Variants in MNAT1 observed in about 807,000 individuals in gnomAD.
The protein encoded by MNAT1 is MNAT1 component of CDK activating kinase.
MNAT1 carries 43 observed loss-of-function variants against 42.0 expected under a neutral mutation model. The observed-to-expected ratio is 1.02, with a 90% CI of 0.80 to 1.32. The LOEUF is 1.32. Ranked by LOEUF, MNAT1 falls within the 40% of genes most tolerant of loss-of-function variation. The pLI, the probability that MNAT1 is intolerant of heterozygous loss-of-function variation, is 0.00. For missense variants in MNAT1, 306 were observed against 350.4 expected, an observed-to-expected ratio of 0.87 and a Z score of 1.01; for synonymous variants, 118 against 120.0, an observed-to-expected ratio of 0.98 and a Z score of 0.11.
intron 7 of MNAT1, among the ~76,000 whole-genome samples, chr14:60,941,355 A>G: frequency 6.6e-6 from 1 of 152,216 alleles, no homozygotes; most frequent in South Asian, 2.1e-4. Flanking sequence ...ACTTATAGCT[A>G]GAATGGTGAA....
At chr14:60,906,577 A>AG (rs907837987) in intron 7 of MNAT1, among the ~76,000 whole-genome samples, 20 of 152,166 alleles carry the variant, frequency 1.3e-4, no homozygotes, top group African/African-American at 4.6e-4. Flanking sequence ...GGATTGGTTA[A>AG]GGGGGGTATG....
intron 6 of MNAT1, among the ~76,000 whole-genome samples, chr14:60,870,220 T>A (rs982511339): frequency 2.6e-5 from 4 of 152,134 alleles, no homozygotes; most frequent in African/African-American, 9.7e-5. Context: ...GATGGAAATA[T>A]AGGGCTCTAA....
chr14:60,742,755 G>T (rs1896511052), intron 1 of MNAT1, among the ~76,000 whole-genome samples: 1 of 152,106 alleles, frequency 6.6e-6, no homozygotes, highest in African/African-American at 2.4e-5. Context: ...TACAGTATGT[G>T]GTTCTCTGGA....
At chr14:60,744,632 T>A (rs1340632912) in intron 1 of MNAT1, among the ~76,000 whole-genome samples, 1 of 152,236 alleles carries the variant, frequency 6.6e-6, no homozygotes, top group Non-Finnish European at 1.5e-5. Context: ...TGAACTTGTG[T>A]AGGCTTGGTT....
chr14:60,914,938 C>G (rs986387067), intron 7 of MNAT1, among the ~76,000 whole-genome samples: 4 of 152,092 alleles, frequency 2.6e-5, no homozygotes, highest in African/African-American at 7.2e-5. Flanking sequence ...GGAAAATTAC[C>G]AATAAGATGG....
chr14:60,902,410 C>A (rs932634838), intron 7 of MNAT1, among the ~76,000 whole-genome samples: 3 of 152,038 alleles, frequency 2.0e-5, no homozygotes, highest in Non-Finnish European at 4.4e-5. Flanking sequence ...CTACTACAAG[C>A]GAGATAGGTT....
At chr14:60,889,339 A>C (rs2034773182) in intron 7 of MNAT1, among the ~76,000 whole-genome samples, 1 of 152,180 alleles carries the variant, frequency 6.6e-6, no homozygotes, top group South Asian at 2.1e-4. Flanking sequence ...TGAGAAAAAC[A>C]AGCAATGGGG....
intron 1 of MNAT1, 90 bp from the exon 2 acceptor site, chr14:60,796,127 A>G: frequency 8.9e-7 from 1 of 1,127,718 alleles, no homozygotes; most frequent in Middle Eastern, 3.0e-4. Context: ...TTCAAGTCTC[A>G]CTCTCCTTAT....
At chr14:60,937,713 G>A (rs1480192003) in intron 7 of MNAT1, among the ~76,000 whole-genome samples, 3 of 152,038 alleles carry the variant, frequency 2.0e-5, no homozygotes, top group South Asian at 2.1e-4. Context: ...GGCGATGCGG[G>A]CTCTTTTTTG....
chr14:60,869,367 G>A lies in MNAT1; in HGVS notation c.688-10347G>A, dbSNP rs549332420. ...ATATTGTTATATTTTTATATTATTC[G>A]TTAATTCAACAAAATATTGAGCAGC... On this transcript the variant is annotated intron_variant, in intron 6 of 7. Coordinates refer to ENST00000261245, the MANE Select transcript of MNAT1 (RefSeq NM_002431.4). 1.6e-4 allele frequency among the ~76,000 whole-genome samples: 24 copies of A among 151,942 alleles called. No homozygotes were observed. In the East Asian group the frequency reaches 2.7e-3, roughly 17 times the overall value.
chr14:60,831,167 A>C (rs925384978), intron 6 of MNAT1, among the ~76,000 whole-genome samples: 5 of 149,976 alleles, frequency 3.3e-5, no homozygotes, highest in Non-Finnish European at 5.9e-5. Flanking sequence ...CTTGGGATAC[A>C]TGTGGAGGTA....
intron 6 of MNAT1, among the ~76,000 whole-genome samples, chr14:60,861,530 TA>T (rs768465896): frequency 4.7e-5 from 7 of 150,158 alleles, no homozygotes; most frequent in South Asian, 4.3e-4. Context: ...TTTTCACCAT[TA>T]AAAAAAATCA....
At chr14:60,894,607 C>T (rs2034914087) in intron 7 of MNAT1, among the ~76,000 whole-genome samples, 1 of 151,892 alleles carries the variant, frequency 6.6e-6, no homozygotes, top group Non-Finnish European at 1.5e-5. Flanking sequence ...AAGGTATAAC[C>T]TTAGTGTTCT....
rs571208995 is a variant in MNAT1, at chr14:60,783,864, C to T, written c.90-12353C>T. Among the ~76,000 whole-genome samples the T allele has an allele frequency of 3.7e-4, 56 of 152,216 alleles. 1 individual carries two copies. In the South Asian group the frequency reaches 0.011, roughly 31 times the overall value. On this transcript the variant is annotated intron_variant, in intron 1 of 7. Coordinates refer to ENST00000261245, the MANE Select transcript of MNAT1 (RefSeq NM_002431.4). ...GTATTTTTTGAGATAGGGTCTTACTCTGTCACCCAGGGTGTAATGCAGTGG... is the reference window on the plus strand; with the variant it reads ...GTATTTTTTGAGATAGGGTCTTACTTTGTCACCCAGGGTGTAATGCAGTGG...
chr14:60,846,807 T>A (rs2033694102), intron 6 of MNAT1, among the ~76,000 whole-genome samples: 1 of 152,218 alleles, frequency 6.6e-6, no homozygotes, highest in Non-Finnish European at 1.5e-5. Flanking sequence ...GTACTTGAAA[T>A]TTTATTCTAT....
At chr14:60,855,225 C>G (rs1450935708) in intron 6 of MNAT1, among the ~76,000 whole-genome samples, 1 of 152,144 alleles carries the variant, frequency 6.6e-6, no homozygotes, top group Non-Finnish European at 1.5e-5. Flanking sequence ...GAATTTCAAG[C>G]CAGTGGTTCT....
intron 1 of MNAT1, among the ~76,000 whole-genome samples, chr14:60,793,063 G>T (rs1486670169): frequency 6.6e-6 from 1 of 151,240 alleles, no homozygotes; most frequent in Non-Finnish European, 1.5e-5. Flanking sequence ...CTGTCGCCCA[G>T]ACTGGAGTTC....
At chr14:60,803,284 A>G (rs1272744281) in intron 3 of MNAT1, among the ~76,000 whole-genome samples, 1 of 152,068 alleles carries the variant, frequency 6.6e-6, no homozygotes, top group East Asian at 1.9e-4. Context: ...TTTGTGTTGT[A>G]TTCATATTTT....
chr14:60,924,933 G>A lies in MNAT1; in HGVS notation c.810-43296G>A, dbSNP rs2035735214. The stretch of plus-strand genomic sequence containing the variant: ...ATCTGTATAATGTAGATTCCATATT[G>A]TAGAAGCTATTTTGTTTGCACATGA... On this transcript the variant is annotated intron_variant, in intron 7 of 7. Transcript: ENST00000261245. Among the ~76,000 whole-genome samples the A allele has an allele frequency of 2.6e-5, 4 of 152,210 alleles. No individual in the cohort carries two copies. In the South Asian group the frequency reaches 8.3e-4, roughly 32 times the overall value.
Sources: gnomAD v4.1 joint callset for allele counts (sites outside exome capture counted in the v4.1 genomes callset) on GRCh38, gnomAD v4.1.1 for gene constraint, MANE v1.5 for transcripts, NCBI Gene and HGNC (gene_info 2026-07-23, HGNC 2026-07-21) for gene names.